CMIP: variants seen among roughly 807,000 people sequenced by gnomAD.
CMIP encodes c-Maf inducing protein, also known as C-Maf-inducing protein.
A neutral mutation model predicts 97.3 loss-of-function variants in CMIP; 13 were observed. The observed-to-expected ratio is 0.13, with a 90% CI of 0.09 to 0.21. CMIP has a LOEUF of 0.21. Ranked by LOEUF, CMIP falls within the 10% of genes least tolerant of loss-of-function variation. The probability of loss-of-function intolerance (pLI) is 1.00; values close to 1 mark genes in which losing one functional copy is unlikely to be tolerated. For synonymous variants in CMIP, 538 were observed against 436.3 expected (o/e 1.23, Z -2.91); for missense variants, 847 against 1,024.9 (o/e 0.83, Z 2.37).
chr16:81,502,351 C>G (rs2089628634), intron 1 of CMIP, among the ~76,000 whole-genome samples: 1 of 152,206 alleles, frequency 6.6e-6, no homozygotes. Flanking sequence ...TCATAGATTA[C>G]ATGGTCAACT....
chr16:81,559,390 G>A (rs1042776983), intron 1 of CMIP, among the ~76,000 whole-genome samples: 3 of 152,212 alleles, frequency 2.0e-5, no homozygotes, highest in East Asian at 1.9e-4. Context: ...TGTTTCTGGA[G>A]CTGTTCTAGG....
At position 81,616,450 on chromosome 16, in the gene CMIP, A is replaced by G. The variant is rs575274456; in HGVS notation, c.427-4426A>G. 3.0e-4 allele frequency among the ~76,000 whole-genome samples: 46 copies of G among 152,060 alleles called. No homozygotes were observed. Among genetic ancestry groups the G allele is most frequent in the African/African-American group, 1.1e-3 (45 of 41,446 alleles). ...GTAAGATGGGTGCGTTGAGGAGGAG[A>G]GGAGGTGTGTGTGAGCATTTCTCGT... On this transcript the variant is annotated intron_variant, in intron 2 of 20. Coordinates refer to ENST00000537098, the MANE Select transcript of CMIP (RefSeq NM_198390.3). This position sits in a 1 kb window ranked among gnomAD's most constrained non-coding sequence, Gnocchi z 4.7.
intron 1 of CMIP, among the ~76,000 whole-genome samples, chr16:81,470,588 A>C (rs1471329953): frequency 2.0e-5 from 3 of 152,254 alleles, no homozygotes; most frequent in Non-Finnish European, 4.4e-5. Context: ...TCTTGGGGTT[A>C]TACTGGCTGG....
chr16:81,640,770 G>GTC lies in CMIP; in HGVS notation c.478-11420_478-11419dup, dbSNP rs1555542721. Reference sequence around the variant, plus strand: ...TGTGTGTGTGTGTGTGTGTGTGTGTGTCTCTCTCTCTCTCCACATGGCCTT... The same window carrying GTC: ...TGTGTGTGTGTGTGTGTGTGTGTGTGTCTCTCTCTCTCTCTCCACATGGCCTT... On this transcript the variant is annotated intron_variant, in intron 3 of 20. Coordinates refer to ENST00000537098, the MANE Select transcript of CMIP (RefSeq NM_198390.3). Among the ~76,000 whole-genome samples, 225 of 135,610 alleles carry GTC rather than the reference G, an allele frequency of 1.7e-3. 1 individual carries two copies. Among genetic ancestry groups the GTC allele is most frequent in the African/African-American group, 3.2e-3 (115 of 35,848 alleles). The allele number at this position is 135,610 out of a possible 152,430, so 89.0% of individuals were successfully genotyped here. A position where few individuals can be genotyped will look rare whatever the true frequency, so the allele number is the denominator to read the frequency against.
intron 1 of CMIP, among the ~76,000 whole-genome samples, chr16:81,534,534 T>TA (rs1337061471): frequency 6.6e-5 from 10 of 152,324 alleles, no homozygotes; most frequent in African/African-American, 2.4e-4. Context: ...ATAGAAGTTA[T>TA]ATATTTTTCT....
intron 1 of CMIP, among the ~76,000 whole-genome samples, chr16:81,551,339 A>G (rs1015325066): frequency 1.3e-5 from 2 of 152,246 alleles, no homozygotes; most frequent in East Asian, 1.9e-4. Flanking sequence ...CTGCCTCCCA[A>G]CTGTTTTCTG....
intron 1 of CMIP, among the ~76,000 whole-genome samples, chr16:81,475,139 C>T (rs1456263799): frequency 6.6e-6 from 1 of 152,008 alleles, no homozygotes; most frequent in Non-Finnish European, 1.5e-5. Context: ...TTAACCCTTT[C>T]CTCCCTTCTC....
At chr16:81,508,119 A>C (rs530399861) in intron 1 of CMIP, among the ~76,000 whole-genome samples, 1 of 152,346 alleles carries the variant, frequency 6.6e-6, no homozygotes, top group Admixed American at 6.5e-5. Flanking sequence ...TGAGTGCTAC[A>C]TCCTCTACTT....
chr16:81,594,021 CCCTTCTCCTCCTCCTCCCCCT>C (rs1223854479), intron 1 of CMIP, among the ~76,000 whole-genome samples: 5 of 92,872 alleles, frequency 5.4e-5, no homozygotes, highest in African/African-American at 1.2e-4. Flanking sequence ...CTTCCTCCCC[CCCTTCTCCTCCTCCTCCCCCT>C]CCTTCTCCTC....
chr16:81,481,439 G>A (rs1367279864), intron 1 of CMIP, among the ~76,000 whole-genome samples: 1 of 152,212 alleles, frequency 6.6e-6, no homozygotes, highest in Non-Finnish European at 1.5e-5. Flanking sequence ...GAGAAGCGGA[G>A]ACTGAAATTG....
intron 1 of CMIP, among the ~76,000 whole-genome samples, chr16:81,465,866 C>T (rs570077609): frequency 2.0e-5 from 3 of 152,302 alleles, no homozygotes; most frequent in South Asian, 2.1e-4. Context: ...GTCAGGTGCC[C>T]GGCTGAGGGC....
At chr16:81,549,214 C>T (rs2090606886) in intron 1 of CMIP, among the ~76,000 whole-genome samples, 1 of 152,240 alleles carries the variant, frequency 6.6e-6, no homozygotes, top group Non-Finnish European at 1.5e-5. Flanking sequence ...GGTCAACCTG[C>T]AGGAGCACCT....
At chr16:81,579,233 G>C (rs1395760155) in intron 1 of CMIP, among the ~76,000 whole-genome samples, 3 of 152,224 alleles carry the variant, frequency 2.0e-5, no homozygotes, top group African/African-American at 7.2e-5. Context: ...GTGAAGGGTG[G>C]TGGCGGTCCT....
intron 1 of CMIP, among the ~76,000 whole-genome samples, chr16:81,501,455 T>C (rs943125119): frequency 2.0e-5 from 3 of 151,948 alleles, no homozygotes; most frequent in South Asian, 2.1e-4. Context: ...ACTTGACTTA[T>C]AAGGTTACGC....
At chr16:81,603,049 TA>T (rs749216432) in intron 1 of CMIP, among the ~76,000 whole-genome samples, 11 of 152,260 alleles carry the variant, frequency 7.2e-5, no homozygotes, top group Admixed American at 2.6e-4. Context: ...TGCCCAGTGA[TA>T]GCACTACAGC....
At chr16:81,570,093 G>A (rs2091058415) in intron 1 of CMIP, among the ~76,000 whole-genome samples, 1 of 152,128 alleles carries the variant, frequency 6.6e-6, no homozygotes, top group South Asian at 2.1e-4. Context: ...TGGGGGAAGG[G>A]GGATGGCCTC....
chr16:81,633,596 G>C (rs567625614), intron 3 of CMIP, among the ~76,000 whole-genome samples: 3 of 152,356 alleles, frequency 2.0e-5, no homozygotes, highest in East Asian at 1.9e-4. Flanking sequence ...CCCACATTCT[G>C]CTCGCCGGAG....
intron 1 of CMIP, among the ~76,000 whole-genome samples, chr16:81,529,921 G>C (rs967565841): frequency 6.6e-6 from 1 of 152,200 alleles, no homozygotes; most frequent in Non-Finnish European, 1.5e-5. Flanking sequence ...AGAAGCCATT[G>C]CGTGTGTGGC....
Position 81,701,741 on chromosome 16 carries a change from G to A in CMIP, c.1837G>A (p.Asp613Asn). 6.2e-7 allele frequency: 1 copy of A among 1,613,910 alleles called. No individual in the cohort carries two copies. The highest frequency in any genetic ancestry group is 8.5e-7 in the Non-Finnish European group (1 of 1,179,886). ...LQIISTLEST[D>N]VGKRMYEQLC... ...GATCATCTCAACCCTGGAGAGCACA[G>A]ACGTGGGGAAGCGCATGTACGAGCA... Residue 613 changes from aspartate (D) to asparagine (N), a missense_variant, in exon 16 of 21, where the codon GAC becomes AAC. This residue lies in a region of CMIP where 266 missense variants were observed against 384.2 expected (regional missense o/e 0.69). Coordinates refer to ENST00000537098, the MANE Select transcript of CMIP (RefSeq NM_198390.3).
Sources: gnomAD v4.1 joint callset for allele counts (sites outside exome capture counted in the v4.1 genomes callset) on GRCh38, gnomAD v4.1.1 for gene constraint, gnomAD v4.1.1 regional missense constraint, Gnocchi (gnomAD v3.1) non-coding constraint, MANE v1.5 for transcripts, NCBI Gene and HGNC (gene_info 2026-07-23, HGNC 2026-07-21) for gene names.